TAFA1: variants seen among roughly 807,000 people sequenced by gnomAD.
TAFA1 encodes chemokine-like protein TAFA-1.
In TAFA1, 4 loss-of-function variants were observed where a neutral mutation model predicts 18.5. The ratio of observed to expected loss-of-function variants is 0.22; its 90% confidence interval spans 0.11 to 0.49. The LOEUF is 0.49. TAFA1 is among the 20% of genes least tolerant of loss of function. The probability of loss-of-function intolerance (pLI) is 0.98; values close to 1 mark genes in which losing one functional copy is unlikely to be tolerated. For missense variants in TAFA1, 147 were observed against 169.0 expected (o/e 0.87, Z 0.72); for synonymous variants, 56 against 55.2 (o/e 1.01, Z -0.06).
At chr3:68,151,410 A>G (rs765020927) in intron 2 of TAFA1, among the ~76,000 whole-genome samples, 1 of 152,176 alleles carries the variant, frequency 6.6e-6, no homozygotes, top group Non-Finnish European at 1.5e-5. Context: ...TTATTAGGCT[A>G]AATATCTTAG....
At position 68,291,324 on chromosome 3, in the gene TAFA1, G is replaced by A. The variant is rs142938011; in HGVS notation, c.119-125956G>A. Among the ~76,000 whole-genome samples, 155 of 152,276 alleles carry A rather than the reference G, an allele frequency of 1.0e-3. 3 individuals are homozygous for A. In the East Asian group the frequency reaches 0.02, roughly 20 times the overall value. The stretch of plus-strand genomic sequence containing the variant: ...CAACTGTGAACAATTGATGGATCTA[G>A]AAGGCACTTAAGAAAATAATGTTAT... On this transcript the variant is annotated intron_variant, in intron 2 of 4. Coordinates refer to ENST00000478136, the MANE Select transcript of TAFA1 (RefSeq NM_213609.4).
At chr3:68,414,355 G>A (rs553997881) in intron 2 of TAFA1, among the ~76,000 whole-genome samples, 30 of 152,178 alleles carry the variant, frequency 2.0e-4, no homozygotes, top group African/African-American at 7.2e-4. Flanking sequence ...CACAACTAGG[G>A]GAGGAGGGGC....
At chr3:68,396,905 A>G (rs1349912042) in intron 2 of TAFA1, among the ~76,000 whole-genome samples, 1 of 152,186 alleles carries the variant, frequency 6.6e-6, no homozygotes, top group African/African-American at 2.4e-5. Context: ...AAGGTCCACT[A>G]TGAATTTACA....
At chr3:68,289,837 T>C (rs777152792) in intron 2 of TAFA1, among the ~76,000 whole-genome samples, 1 of 152,190 alleles carries the variant, frequency 6.6e-6, no homozygotes, top group Non-Finnish European at 1.5e-5. Flanking sequence ...AAGAGATTTG[T>C]GGAGCAAACT....
intron 2 of TAFA1, among the ~76,000 whole-genome samples, chr3:68,259,953 G>C (rs1239542297): frequency 6.6e-6 from 1 of 151,572 alleles, no homozygotes; most frequent in Admixed American, 6.6e-5. Context: ...TAATTGCCCT[G>C]GCCAGAACTT....
intron 2 of TAFA1, among the ~76,000 whole-genome samples, chr3:68,194,527 A>G (rs945312238): frequency 2.0e-5 from 3 of 151,814 alleles, no homozygotes; most frequent in Non-Finnish European, 4.4e-5. Flanking sequence ...GATATATTGT[A>G]CTAAAAAAAT....
intron 2 of TAFA1, among the ~76,000 whole-genome samples, chr3:68,300,183 G>A (rs2068277888): frequency 6.6e-6 from 1 of 152,172 alleles, no homozygotes. Flanking sequence ...CAGCCAGGAG[G>A]GGGACTTTAC....
At chr3:68,167,499 C>T (rs1377637133) in intron 2 of TAFA1, among the ~76,000 whole-genome samples, 3 of 150,546 alleles carry the variant, frequency 2.0e-5, no homozygotes, top group Non-Finnish European at 4.4e-5. Flanking sequence ...ATGGCCTGGA[C>T]CTGGGAGGCG....
At chr3:68,230,837 C>T (rs1268315525) in intron 2 of TAFA1, among the ~76,000 whole-genome samples, 1 of 152,164 alleles carries the variant, frequency 6.6e-6, no homozygotes, top group Admixed American at 6.5e-5. Flanking sequence ...GACAATATCC[C>T]ATTGTGGTTT....
intron 2 of TAFA1, among the ~76,000 whole-genome samples, chr3:68,165,180 A>G (rs1410251310): frequency 2.6e-5 from 4 of 152,236 alleles, no homozygotes; most frequent in African/African-American, 4.8e-5. Context: ...CTCACCTTCT[A>G]TCTGATGAGT....
intron 2 of TAFA1, among the ~76,000 whole-genome samples, chr3:68,325,514 T>C (rs1048994788): frequency 6.6e-6 from 1 of 152,218 alleles, no homozygotes; most frequent in Non-Finnish European, 1.5e-5. Flanking sequence ...TTGTATCTAC[T>C]ATCATGATAG....
intron 2 of TAFA1, among the ~76,000 whole-genome samples, chr3:68,214,981 A>G (rs2066638369): frequency 6.6e-6 from 1 of 152,012 alleles, no homozygotes; most frequent in Non-Finnish European, 1.5e-5. Flanking sequence ...ACTGTTGCTG[A>G]TCTGTGAAAT....
intron 2 of TAFA1, among the ~76,000 whole-genome samples, chr3:68,112,426 AT>A (rs2065273102): frequency 6.6e-6 from 1 of 152,236 alleles, no homozygotes; most frequent in Admixed American, 6.5e-5. Flanking sequence ...AAAGTGTTTG[AT>A]AAAATTATTT....
chr3:68,327,851 A>G (rs1432721157), intron 2 of TAFA1, among the ~76,000 whole-genome samples: 2 of 152,202 alleles, frequency 1.3e-5, no homozygotes, highest in Non-Finnish European at 2.9e-5. Flanking sequence ...TTACTTCACT[A>G]TTAGTCTCCA....
At chr3:68,100,463 G>A (rs929719709) in intron 2 of TAFA1, among the ~76,000 whole-genome samples, 2 of 152,148 alleles carry the variant, frequency 1.3e-5, no homozygotes, top group Non-Finnish European at 2.9e-5. Flanking sequence ...AACAGAGGGT[G>A]TTGGTTTAGC....
chr3:68,296,812 G>T (rs1228449659), intron 2 of TAFA1, among the ~76,000 whole-genome samples: 7 of 152,156 alleles, frequency 4.6e-5, no homozygotes, highest in Admixed American at 6.5e-5. Flanking sequence ...CCCTTAACGA[G>T]CTTGTTATCA....
chr3:68,435,388 T>C (rs908858645), intron 3 of TAFA1, among the ~76,000 whole-genome samples: 9 of 152,140 alleles, frequency 5.9e-5, no homozygotes, highest in Non-Finnish European at 1.0e-4. Flanking sequence ...ATGGTGGATA[T>C]TGAAACTGCC....
intron 3 of TAFA1, among the ~76,000 whole-genome samples, chr3:68,483,641 G>T (rs1343069633): frequency 6.6e-6 from 1 of 152,200 alleles, no homozygotes; most frequent in Non-Finnish European, 1.5e-5. Context: ...AGATGTGGTT[G>T]GAAGAGTCAG....
chr3:68,521,328 G>A (rs144585066), intron 3 of TAFA1, among the ~76,000 whole-genome samples: 1 of 152,162 alleles, frequency 6.6e-6, no homozygotes, highest in South Asian at 2.1e-4. Context: ...TTATTTTGAA[G>A]TTCCGCTGCT....
Sources: gnomAD v4.1 joint callset for allele counts (sites outside exome capture counted in the v4.1 genomes callset) on GRCh38, gnomAD v4.1.1 for gene constraint, MANE v1.5 for transcripts, NCBI Gene and HGNC (gene_info 2026-07-23, HGNC 2026-07-21) for gene names.